The following STYX variants were observed in gnomAD, a reference collection of about 807,000 sequenced individuals.
STYX encodes the protein serine/threonine/tyrosine interacting protein, also known as serine/threonine/tyrosine-interacting protein.
Under a neutral mutation model 42.7 loss-of-function variants are expected in STYX, and 20 were observed. The ratio of observed to expected loss-of-function variants is 0.47; its 90% CI spans 0.33 to 0.68. The LOEUF (loss-of-function observed/expected upper bound fraction) is 0.68, where lower values mean the gene tolerates loss of function less well. Among genes scored for constraint, STYX ranks in the 30% least tolerant of loss-of-function variants. STYX has a pLI of 0.02. For synonymous variants in STYX, 78 were observed against 81.9 expected, an observed-to-expected ratio of 0.95 and a Z score of 0.26; for missense variants, 226 against 268.5, an observed-to-expected ratio of 0.84 and a Z score of 1.11.
In STYX at chr14:52,762,153, TACAGG is replaced by T. The variant is rs200763576; in HGVS notation, c.504+2400_504+2404del. Among the ~76,000 whole-genome samples the T allele has an allele frequency of 5.1e-3, 772 of 152,032 alleles. 7 individuals carry two copies. Among genetic ancestry groups the T allele is most frequent in the East Asian group, 0.044 (226 of 5,106 alleles). On this transcript the variant is annotated intron_variant, in intron 9 of 10. Transcript: ENST00000354586. ...CCTTGGCCTCTCAAAGTGCTGGAAT[TACAGG>T]CGTGAGCCACCACTCCTGGCCCAAA...
intron 6 of STYX, 73 bp downstream of exon 6, chr14:52,757,428 C>A: frequency 7.4e-7 from 1 of 1,349,594 alleles, no homozygotes; most frequent in Non-Finnish European, 1.0e-6. Context: ...TGGTATTTGT[C>A]TTAAATGCAG....
intron 9 of STYX, among the ~76,000 whole-genome samples, chr14:52,766,660 G>A (rs1882312301): frequency 6.6e-6 from 1 of 152,116 alleles, no homozygotes; most frequent in African/African-American, 2.4e-5. Context: ...GTCACAGTGT[G>A]CCCTTACCAC....
chr14:52,758,429 T>G (rs1881960424), intron 8 of STYX, among the ~76,000 whole-genome samples: 1 of 152,202 alleles, frequency 6.6e-6, no homozygotes. Flanking sequence ...AGTATTTCCT[T>G]TCTCAGCTTT....
chr14:52,732,676 A>AT (rs1457453480), intron 1 of STYX, among the ~76,000 whole-genome samples: 3 of 151,292 alleles, frequency 2.0e-5, no homozygotes, highest in African/African-American at 7.3e-5. Flanking sequence ...TTATTTATTT[A>AT]TTTATTTTTT....
chr14:52,771,651 A>G lies in STYX; in HGVS notation c.*545A>G, dbSNP rs1327696344. ...GAATCTGCCACATTTCTTTTTTAGTATAACTTAATAGCTTAATTACCATTT... is the reference window on the plus strand; with the variant it reads ...GAATCTGCCACATTTCTTTTTTAGTGTAACTTAATAGCTTAATTACCATTT... On this transcript the variant is annotated 3_prime_UTR_variant, in exon 11 of 11. Transcript: ENST00000354586. 1.3e-5 allele frequency: 2 copies of G among 152,564 alleles called. No individual in the cohort carries two copies. The highest frequency in any genetic ancestry group is 2.9e-5 in the Non-Finnish European group (2 of 67,982). The allele number at this position is 152,564 out of a possible 1,614,324, so 9.5% of individuals were successfully genotyped here.
At chr14:52,755,036 A>G (rs1279355826) in intron 4 of STYX, among the ~76,000 whole-genome samples, 5 of 151,604 alleles carry the variant, frequency 3.3e-5, no homozygotes, top group African/African-American at 9.7e-5. Flanking sequence ...GGATACAGTC[A>G]TTGTCGAAAT....
At chr14:52,747,318 C>G (rs370018497) in intron 3 of STYX, among the ~76,000 whole-genome samples, 16 of 152,288 alleles carry the variant, frequency 1.1e-4, no homozygotes, top group African/African-American at 3.9e-4. Context: ...AATACTTTGC[C>G]TATTCAGAAG....
At position 52,744,916 on chromosome 14, in the gene STYX, C is replaced by G. The variant is rs374673251; in HGVS notation, c.90+32C>G. On this transcript the variant is annotated intron_variant, in intron 2 of 10. Transcript: ENST00000354586. The stretch of plus-strand genomic sequence containing the variant: ...CAACCTTTTCTTTGTTCAAACCAAC[C>G]CATGTTATTATCATAATAAGAACCT... 3.0e-5 allele frequency: 48 copies of G among 1,607,200 alleles called. No homozygotes were observed. The African/African-American group carries it at 6.2e-4, about 21-fold the overall frequency.
Position 52,773,268 on chromosome 14 carries a change from C to T in STYX, c.*2162C>T, listed in dbSNP as rs1257321563. On this transcript the variant is annotated 3_prime_UTR_variant, in exon 11 of 11. Coordinates refer to ENST00000354586, the MANE Select transcript of STYX (RefSeq NM_145251.4). The stretch of plus-strand genomic sequence containing the variant: ...CCCAGTACTGTATATTACAGTCTCT[C>T]ACAAACACTGGGAAAAGGGACTGTC... The T allele has an allele frequency of 6.6e-6, 1 of 151,700 alleles. No homozygotes were observed. Among genetic ancestry groups the T allele is most frequent in the East Asian group, 1.9e-4 (1 of 5,188 alleles). The allele number at this position is 151,700 out of a possible 1,614,324, so 9.4% of individuals were successfully genotyped here. A position where few individuals can be genotyped will look rare whatever the true frequency, so the allele number is the denominator to read the frequency against.
intron 4 of STYX, among the ~76,000 whole-genome samples, chr14:52,752,862 T>A (rs1281375881): frequency 1.4e-5 from 2 of 148,068 alleles, no homozygotes; most frequent in Non-Finnish European, 3.0e-5. Flanking sequence ...TTTTTAATTT[T>A]GTTTTTTTTT....
chr14:52,741,499 G>A (rs1368220375), intron 1 of STYX, among the ~76,000 whole-genome samples: 1 of 152,042 alleles, frequency 6.6e-6, no homozygotes, highest in African/African-American at 2.4e-5. Flanking sequence ...GTGCAGTGGT[G>A]CAATCTCGGC....
chr14:52,761,033 T>C (rs895759851), intron 9 of STYX, among the ~76,000 whole-genome samples: 1 of 152,132 alleles, frequency 6.6e-6, no homozygotes, highest in Non-Finnish European at 1.5e-5. Flanking sequence ...TATATACATA[T>C]GTTTAAGAAG....
intron 9 of STYX, among the ~76,000 whole-genome samples, chr14:52,761,171 C>T (rs199653185): frequency 1.4e-4 from 21 of 151,788 alleles, no homozygotes; most frequent in Admixed American, 1.2e-3. Context: ...TCTACTAAAA[C>T]TACAAAATTA....
chr14:52,745,153 T>C (rs903030950), intron 2 of STYX, among the ~76,000 whole-genome samples: 2 of 149,376 alleles, frequency 1.3e-5, no homozygotes, highest in Non-Finnish European at 3.0e-5. Flanking sequence ...AGAGTTTCGC[T>C]CTTGTTGCCC....
At chr14:52,755,129 T>G (rs546190054) in intron 4 of STYX, among the ~76,000 whole-genome samples, 9 of 150,338 alleles carry the variant, frequency 6.0e-5, no homozygotes, top group East Asian at 1.9e-4. Flanking sequence ...TTGTTTTTTT[T>G]TTTTTGTTTT....
Position 52,755,229 on chromosome 14 carries a change from T to G in STYX, c.243-1322T>G, listed in dbSNP as rs547128955. ...CCTCTGCCTCCCGGGTTTAAGTGAT[T>G]CTCCTGCCTCAGCCTCCTGAGTAGC... On this transcript the variant is annotated intron_variant, in intron 4 of 10. Transcript: ENST00000354586. 5.3e-5 allele frequency among the ~76,000 whole-genome samples: 8 copies of G among 152,090 alleles called. No homozygotes were observed. In the East Asian group the frequency reaches 1.3e-3, roughly 26 times the overall value.
At chr14:52,737,869 G>A (rs1380405532) in intron 1 of STYX, among the ~76,000 whole-genome samples, 7 of 152,100 alleles carry the variant, frequency 4.6e-5, no homozygotes, top group African/African-American at 9.7e-5. Flanking sequence ...TCCGCCTCCC[G>A]GGTTCACGCC....
Position 52,750,665 on chromosome 14 carries a change from G to T in STYX, c.145-18G>T. ...TATTTATCTTCCCTGTCCTCCCCCT[G>T]CTTTTTTTTTTATACAGCTACCTGT... On this transcript the variant is annotated intron_variant, in intron 3 of 10. Transcript: ENST00000354586. 7.1e-7 allele frequency: 1 copy of T among 1,418,246 alleles called. No individual in the cohort carries two copies. Among genetic ancestry groups the T allele is most frequent in the East Asian group, 2.4e-5 (1 of 41,786 alleles). 87.9% of individuals were successfully genotyped at this position (1,418,246 alleles called of 1,614,324 possible).
At chr14:52,746,310 C>A in intron 2 of STYX, 116 bp from the exon 3 acceptor site, 2 of 660,750 alleles carry the variant, frequency 3.0e-6, no homozygotes, top group Non-Finnish European at 5.0e-6. Context: ...ATAATAGTTC[C>A]AATCTTGTTG....
Sources: gnomAD v4.1 joint callset for allele counts (sites outside exome capture counted in the v4.1 genomes callset) on GRCh38, gnomAD v4.1.1 for gene constraint, MANE v1.5 for transcripts, NCBI Gene and HGNC (gene_info 2026-07-23, HGNC 2026-07-21) for gene names.